Variants in TMEM132D observed in about 807,000 individuals in gnomAD.
TMEM132D encodes transmembrane protein 132D, also known as mature OL transmembrane protein.
A neutral mutation model predicts 62.3 loss-of-function variants in TMEM132D; 21 were observed. That is an observed-to-expected ratio of 0.34 (90% CI 0.24 to 0.49). The LOEUF (loss-of-function observed/expected upper bound fraction) is 0.49, where lower values mean the gene tolerates loss of function less well. Ranked by LOEUF, TMEM132D falls within the 20% of genes least tolerant of loss-of-function variation. TMEM132D has a pLI of 0.99. For missense variants in TMEM132D, 1,346 were observed against 1,402.8 expected, an observed-to-expected ratio of 0.96 and a Z score of 0.65; for synonymous variants, 621 against 575.6, an observed-to-expected ratio of 1.08 and a Z score of -1.13.
At chr12:129,203,603 T>G (rs927822145) in intron 5 of TMEM132D, among the ~76,000 whole-genome samples, 2 of 152,202 alleles carry the variant, frequency 1.3e-5, no homozygotes, top group Non-Finnish European at 2.9e-5. Context: ...TCTGCCTAAA[T>G]TTGCCAAGGG....
intron 2 of TMEM132D, among the ~76,000 whole-genome samples, chr12:129,579,846 T>A (rs955140821): frequency 6.6e-6 from 1 of 152,260 alleles, no homozygotes; most frequent in East Asian, 1.9e-4. Context: ...AAGTTGACAC[T>A]CAATATTAAC....
chr12:129,363,460 T>C (rs1870313905), intron 3 of TMEM132D, among the ~76,000 whole-genome samples: 1 of 152,226 alleles, frequency 6.6e-6, no homozygotes, highest in African/African-American at 2.4e-5. Context: ...GGATTATTAA[T>C]TGATAGTGAT....
intron 1 of TMEM132D, among the ~76,000 whole-genome samples, chr12:129,844,374 C>G (rs1000489492): frequency 2.0e-5 from 3 of 152,134 alleles, no homozygotes; most frequent in Admixed American, 6.5e-5. Context: ...GGCATTTGAC[C>G]TGGAGTGTGT....
intron 2 of TMEM132D, among the ~76,000 whole-genome samples, chr12:129,652,210 G>A (rs543704032): frequency 2.6e-5 from 4 of 152,166 alleles, no homozygotes; most frequent in Non-Finnish European, 4.4e-5. Flanking sequence ...GTAGAAGAAC[G>A]GTATAGAACT....
At chr12:129,717,562 CGTATGGGAAACACAGA>C (rs1868635521) in intron 1 of TMEM132D, among the ~76,000 whole-genome samples, 1 of 148,032 alleles carries the variant, frequency 6.8e-6, no homozygotes, top group Non-Finnish European at 1.5e-5. Flanking sequence ...TAAATATTTC[CGTATGGGAAACACAGA>C]ATATGGGAAA....
At chr12:129,425,005 T>C (rs1872452619) in intron 3 of TMEM132D, among the ~76,000 whole-genome samples, 1 of 152,172 alleles carries the variant, frequency 6.6e-6, no homozygotes, top group Non-Finnish European at 1.5e-5. Flanking sequence ...TCTATAGATG[T>C]GTCTGTTCTG....
chr12:129,504,922 G>A (rs188787896), intron 3 of TMEM132D, among the ~76,000 whole-genome samples: 27 of 152,200 alleles, frequency 1.8e-4, no homozygotes, highest in African/African-American at 5.8e-4. Context: ...CACTACTGTC[G>A]TTCAGTTCAA....
At chr12:129,382,273 T>C (rs534985629) in intron 3 of TMEM132D, among the ~76,000 whole-genome samples, 2 of 151,912 alleles carry the variant, frequency 1.3e-5, no homozygotes, top group South Asian at 4.1e-4. Flanking sequence ...GATTAGAAGA[T>C]GTGTCACAGT....
At chr12:129,874,409 CAAAAAAT>C (rs1874347261) in intron 1 of TMEM132D, among the ~76,000 whole-genome samples, 1 of 151,180 alleles carries the variant, frequency 6.6e-6, no homozygotes, top group African/African-American at 2.4e-5. Context: ...GACTCTGTCT[CAAAAAAT>C]AAAAAATAAA....
intron 1 of TMEM132D, among the ~76,000 whole-genome samples, chr12:129,879,732 A>G (rs1874536616): frequency 6.6e-6 from 1 of 152,244 alleles, no homozygotes. Context: ...AATACCTTCA[A>G]TAGGCTGATT....
intron 3 of TMEM132D, among the ~76,000 whole-genome samples, chr12:129,426,766 C>A (rs1872513605): frequency 6.6e-6 from 1 of 152,204 alleles, no homozygotes; most frequent in Admixed American, 6.5e-5. Flanking sequence ...ATTATTATCA[C>A]CGTTTTTCAA....
intron 3 of TMEM132D, among the ~76,000 whole-genome samples, chr12:129,425,695 G>T (rs11060335): frequency 0.3 from 45,009 of 151,974 alleles, 7,691 homozygotes; most frequent in East Asian, 0.48. Context: ...TTGGGGAGAG[G>T]ATGTGGTATT....
chr12:129,571,702 G>A (rs912719270), intron 2 of TMEM132D, among the ~76,000 whole-genome samples: 3 of 152,182 alleles, frequency 2.0e-5, no homozygotes, highest in Non-Finnish European at 4.4e-5. Flanking sequence ...CTGCCAAAGT[G>A]TGTCTTTCTG....
At chr12:129,093,613 G>T (rs1187343526) in intron 5 of TMEM132D, among the ~76,000 whole-genome samples, 2 of 152,090 alleles carry the variant, frequency 1.3e-5, no homozygotes, top group African/African-American at 4.8e-5. Context: ...TACTGCCCAA[G>T]GTCATTTATA....
At chr12:129,617,587 A>G (rs546941562) in intron 2 of TMEM132D, among the ~76,000 whole-genome samples, 1 of 152,290 alleles carries the variant, frequency 6.6e-6, no homozygotes, top group South Asian at 2.1e-4. Context: ...TGAAAGGAGC[A>G]GCAGTGCGGT....
intron 3 of TMEM132D, among the ~76,000 whole-genome samples, chr12:129,395,719 C>A (rs1207462738): frequency 2.1e-5 from 2 of 95,766 alleles, no homozygotes; most frequent in Non-Finnish European, 2.3e-5. Flanking sequence ...ATATCTACAT[C>A]TACATACATG....
chr12:129,151,734 T>C (rs1279672543), intron 5 of TMEM132D, among the ~76,000 whole-genome samples: 1 of 152,204 alleles, frequency 6.6e-6, no homozygotes, highest in Admixed American at 6.5e-5. Flanking sequence ...AGCAGAGGGC[T>C]TTCCAGATGT....
intron 4 of TMEM132D, among the ~76,000 whole-genome samples, chr12:129,322,960 C>G (rs903546476): frequency 1.3e-5 from 2 of 152,160 alleles, no homozygotes; most frequent in Non-Finnish European, 2.9e-5. Flanking sequence ...ACTGCAAATT[C>G]ATGAGGACGA....
intron 5 of TMEM132D, 53 bp from the exon 6 acceptor site, chr12:129,084,755 T>G: frequency 6.3e-7 from 1 of 1,575,094 alleles, no homozygotes; most frequent in East Asian, 2.2e-5. Flanking sequence ...TTCATCCCGT[T>G]GCATGGCCCA....
Sources: gnomAD v4.1 joint callset for allele counts (sites outside exome capture counted in the v4.1 genomes callset) on GRCh38, gnomAD v4.1.1 for gene constraint, MANE v1.5 for transcripts, NCBI Gene and HGNC (gene_info 2026-07-23, HGNC 2026-07-21) for gene names.